Variants in PIK3C2B observed in about 807,000 individuals in gnomAD.
PIK3C2B encodes the protein phosphatidylinositol 4-phosphate 3-kinase C2 domain-containing subunit beta.
In PIK3C2B, 83 loss-of-function variants were observed where a neutral mutation model predicts 184.3. The ratio of observed to expected loss-of-function variants is 0.45; its 90% CI spans 0.38 to 0.54. PIK3C2B has a LOEUF of 0.54. Among genes scored for constraint, PIK3C2B ranks in the 20% least tolerant of loss-of-function variants. PIK3C2B has a pLI of 0.00. For missense variants in PIK3C2B, 1,736 were observed against 2,113.5 expected (o/e 0.82, Z 3.50); for synonymous variants, 779 against 837.6 (o/e 0.93, Z 1.21).
intron 9 of PIK3C2B, 83 bp from the exon 10 acceptor site, chr1:204,457,153 C>G: frequency 1.7e-6 from 2 of 1,206,634 alleles, no homozygotes; most frequent in Non-Finnish European, 1.2e-6. Flanking sequence ...TTCACAGCTG[C>G]GCTCATCTGG....
In PIK3C2B at chr1:204,425,463, A is replaced by G; in HGVS notation, c.4716+150T>C. On this transcript the variant is annotated intron_variant, in intron 32 of 32. Coordinates refer to ENST00000684373, the MANE Select transcript of PIK3C2B (RefSeq NM_001377334.1). ...ACAACTACTCGATCCTGCCATTGCA[A>G]CATGAAAGCAGCTACAGGTAACACC... The G allele has an allele frequency of 3.8e-6, 3 of 797,086 alleles. No homozygotes were observed. In the South Asian group the frequency reaches 5.0e-5, roughly 13 times the overall value. 49.4% of individuals were successfully genotyped at this position (797,086 alleles called of 1,614,324 possible). A position where few individuals can be genotyped will look rare whatever the true frequency, so the allele number is the denominator to read the frequency against.
chr1:204,462,176 G>A lies in PIK3C2B; in HGVS notation c.1311-1515C>T, dbSNP rs115505065. ...GTATGAGGGGTGTGATCTGAGGACC[G>A]CTGACCCTGTCCCACCTCACTAAGA... On this transcript the variant is annotated intron_variant, in intron 5 of 32. Transcript: ENST00000684373. Among the ~76,000 whole-genome samples the A allele has an allele frequency of 3.0e-3, 456 of 152,234 alleles. 3 individuals are homozygous for A. Among genetic ancestry groups the A allele is most frequent in the African/African-American group, 0.01 (429 of 41,528 alleles).
At chr1:204,460,469 C>A (rs563298066) in intron 6 of PIK3C2B, 66 bp from the exon 7 acceptor site, 173 of 1,537,026 alleles carry the variant, frequency 1.1e-4, no homozygotes, top group Non-Finnish European at 1.4e-4. Flanking sequence ...CTCCTACCCC[C>A]CTCCCACCTG....
At chr1:204,442,459 G>T in intron 20 of PIK3C2B, 67 bp downstream of exon 20, 1 of 1,009,296 alleles carries the variant, frequency 9.9e-7, no homozygotes, top group Non-Finnish European at 1.5e-6. Flanking sequence ...TGCATGCCTG[G>T]TTAGTGAAGA....
Position 204,468,671 on chromosome 1 carries a change from G to C in PIK3C2B, c.933+199C>G, listed in dbSNP as rs547006620. The stretch of plus-strand genomic sequence containing the variant: ...ATACATGAAACCTGGCCCTGAGAAG[G>C]AGCCCTCCCTCTACTGGTGTCCACC... On this transcript the variant is annotated intron_variant, in intron 2 of 32. Transcript: ENST00000684373. Among the ~76,000 whole-genome samples the C allele has an allele frequency of 5.3e-5, 8 of 152,308 alleles. No individual in the cohort carries two copies. The East Asian group carries it at 1.5e-3, about 29-fold the overall frequency.
intron 1 of PIK3C2B, chr1:204,490,109 G>C (rs1334899982): frequency 2.5e-6 from 1 of 395,286 alleles, no homozygotes; most frequent in Non-Finnish European, 4.5e-6. Context: ...AGTCATGATG[G>C]AAGGATAACA....
chr1:204,463,965 A>G (rs2271415), intron 5 of PIK3C2B, 47 bp downstream of exon 5: 7 of 1,600,278 alleles, frequency 4.4e-6, no homozygotes, highest in Non-Finnish European at 6.0e-6. Flanking sequence ...CCCCCTCACA[A>G]TCTTACTACC....
intron 23 of PIK3C2B, among the ~76,000 whole-genome samples, chr1:204,437,989 AG>A (rs1675444887): frequency 6.6e-6 from 1 of 152,218 alleles, no homozygotes; most frequent in Admixed American, 6.5e-5. Context: ...GCACAAGAAG[AG>A]TGCAAAGAGG....
chr1:204,442,492 C>T (rs1315873885), intron 20 of PIK3C2B, 34 bp downstream of exon 20: 2 of 1,412,724 alleles, frequency 1.4e-6, no homozygotes, highest in Admixed American at 2.0e-5. Context: ...TGAGCCCTCC[C>T]ACTCTGAGAG....
At chr1:204,446,849 G>A (rs1385946597) in intron 15 of PIK3C2B, among the ~76,000 whole-genome samples, 2 of 152,156 alleles carry the variant, frequency 1.3e-5, no homozygotes, top group Admixed American at 6.5e-5. Context: ...GCACAGGGCT[G>A]CGCAGGAGCC....
intron 1 of PIK3C2B, among the ~76,000 whole-genome samples, chr1:204,474,442 G>C (rs1382736364): frequency 6.6e-6 from 1 of 152,122 alleles, no homozygotes; most frequent in Non-Finnish European, 1.5e-5. Context: ...CACTAAAACT[G>C]CTCCAGCAAC....
intron 1 of PIK3C2B, among the ~76,000 whole-genome samples, chr1:204,477,668 G>T (rs1237650689): frequency 6.6e-6 from 1 of 152,190 alleles, no homozygotes; most frequent in Non-Finnish European, 1.5e-5. Context: ...GGGTGGTGAG[G>T]GTTCCTGCTG....
chr1:204,468,832 G>A, intron 2 of PIK3C2B, 38 bp downstream of exon 2: 1 of 1,512,796 alleles, frequency 6.6e-7, no homozygotes, highest in Non-Finnish European at 9.0e-7. Context: ...GAAGGACATG[G>A]AGAAAGGAAG....
chr1:204,460,255 C>T (rs1469923176), intron 7 of PIK3C2B, 69 bp downstream of exon 7: 6 of 1,273,778 alleles, frequency 4.7e-6, no homozygotes, highest in Non-Finnish European at 5.7e-6. Flanking sequence ...GAAAGGCAAG[C>T]AGGCACATCT....
chr1:204,454,279 G>A (rs891244834), intron 12 of PIK3C2B, among the ~76,000 whole-genome samples: 7 of 150,748 alleles, frequency 4.6e-5, no homozygotes, highest in Admixed American at 1.3e-4. Context: ...TCAGGAGATC[G>A]AGACTATCCT....
chr1:204,455,501 C>G (rs544132988), intron 11 of PIK3C2B, among the ~76,000 whole-genome samples: 1 of 152,256 alleles, frequency 6.6e-6, no homozygotes, highest in South Asian at 2.1e-4. Flanking sequence ...ACCTCCCCAC[C>G]CCCTCCCACT....
intron 4 of PIK3C2B, 145 bp downstream of exon 4, chr1:204,464,305 C>T: frequency 9.5e-7 from 1 of 1,050,952 alleles, no homozygotes; most frequent in Admixed American, 2.3e-5. Flanking sequence ...GAATGCTGGC[C>T]CCATAGCCAG....
At chr1:204,459,574 T>TGGGG (rs1037924024) in intron 8 of PIK3C2B, among the ~76,000 whole-genome samples, 1 of 152,136 alleles carries the variant, frequency 6.6e-6, no homozygotes, top group Non-Finnish European at 1.5e-5. Context: ...GTGCAGCAGC[T>TGGGG]GGGGGGTGAC....
intron 1 of PIK3C2B, among the ~76,000 whole-genome samples, chr1:204,491,251 T>C (rs1657980629): frequency 6.6e-6 from 1 of 151,390 alleles, no homozygotes; most frequent in South Asian, 2.1e-4. Context: ...TAGCCAGGCA[T>C]GGTGGCACAC....
Sources: gnomAD v4.1 joint callset for allele counts (sites outside exome capture counted in the v4.1 genomes callset) on GRCh38, gnomAD v4.1.1 for gene constraint, MANE v1.5 for transcripts, NCBI Gene and HGNC (gene_info 2026-07-23, HGNC 2026-07-21) for gene names.